Variants in NF1 observed in about 807,000 individuals in gnomAD.
NF1 encodes neurofibromin 1, also known as neurofibromin.
Under a neutral mutation model 325.7 loss-of-function variants are expected in NF1, and 122 were observed. The ratio of observed to expected loss-of-function variants is 0.37; its 90% confidence interval spans 0.32 to 0.44. The LOEUF is 0.44. NF1 is among the 20% of genes least tolerant of loss of function. NF1 has a pLI of 1.00. For missense variants in NF1, 2,140 were observed against 3,415.4 expected (o/e 0.63, Z 9.31); for synonymous variants, 1,091 against 1,186.0 (o/e 0.92, Z 1.65).
rs34107657 is a variant in NF1, at chr17:31,237,656, C to CTTT, written c.3974+1650_3974+1652dup. On this transcript the variant is annotated intron_variant, in intron 29 of 57. Transcript: ENST00000358273. Reference sequence around the variant, plus strand: ...TTTTCTTGACAACTTCTCATGTCTACTTTTTTTTTTTTTTTTTGCAATTTT... The same window carrying CTTT: ...TTTTCTTGACAACTTCTCATGTCTACTTTTTTTTTTTTTTTTTTTTGCAATTTT... Among the ~76,000 whole-genome samples, 1,168 of 126,044 alleles carry CTTT rather than the reference C, an allele frequency of 9.3e-3. 33 individuals are homozygous for CTTT. The highest frequency in any genetic ancestry group is 0.027 in the African/African-American group (902 of 33,226). The allele number at this position is 126,044 out of a possible 152,430, so 82.7% of individuals were successfully genotyped here.
chr17:31,306,419 T>A (rs1006364449), intron 36 of NF1, among the ~76,000 whole-genome samples: 7 of 152,180 alleles, frequency 4.6e-5, no homozygotes, highest in African/African-American at 1.2e-4. Flanking sequence ...GACATAGATA[T>A]AGATATAAAT....
At chr17:31,124,726 A>G (rs1914727168) in intron 1 of NF1, among the ~76,000 whole-genome samples, 1 of 148,714 alleles carries the variant, frequency 6.7e-6, no homozygotes, top group African/African-American at 2.5e-5. Flanking sequence ...TAGCCTCCTG[A>G]GTAGCTGGGA....
chr17:31,283,985 A>T (rs2068175239), intron 36 of NF1, among the ~76,000 whole-genome samples: 3 of 152,242 alleles, frequency 2.0e-5, no homozygotes, highest in Non-Finnish European at 4.4e-5. Flanking sequence ...TTTGCCTTGT[A>T]CAACAAAGAT....
At chr17:31,137,754 A>C (rs1345278462) in intron 1 of NF1, 1 of 151,736 alleles carries the variant, frequency 6.6e-6, no homozygotes, top group East Asian at 1.9e-4. Flanking sequence ...AAATTTTGAG[A>C]CCTTGAATGT....
intron 36 of NF1, among the ~76,000 whole-genome samples, chr17:31,307,025 A>T (rs1047728915): frequency 6.6e-6 from 1 of 151,814 alleles, no homozygotes; most frequent in African/African-American, 2.4e-5. Flanking sequence ...AAATAATTAC[A>T]ATAATTTTTT....
chr17:31,200,802 A>G (rs2066513804), intron 9 of NF1, among the ~76,000 whole-genome samples: 1 of 152,212 alleles, frequency 6.6e-6, no homozygotes, highest in African/African-American at 2.4e-5. Flanking sequence ...AATAAGCATA[A>G]ATATACAGAC....
intron 56 of NF1, 81 bp downstream of exon 56, chr17:31,359,096 A>G (rs2070343279): frequency 8.9e-7 from 1 of 1,118,552 alleles, no homozygotes; most frequent in Non-Finnish European, 1.3e-6. Context: ...AAGAACACAC[A>G]ATGTGCTGAA....
chr17:31,175,687 C>A (rs1294116873), intron 5 of NF1, among the ~76,000 whole-genome samples: 4 of 152,046 alleles, frequency 2.6e-5, no homozygotes, highest in African/African-American at 9.7e-5. Flanking sequence ...AGCCCCCACC[C>A]CCCGACAGGC....
chr17:31,120,184 A>G (rs1914310285), intron 1 of NF1, among the ~76,000 whole-genome samples: 1 of 152,170 alleles, frequency 6.6e-6, no homozygotes, highest in African/African-American at 2.4e-5. Flanking sequence ...TATTGAATCT[A>G]TAAATTACTT....
intron 12 of NF1, among the ~76,000 whole-genome samples, chr17:31,207,887 C>A (rs2066651808): frequency 6.6e-6 from 1 of 152,094 alleles, no homozygotes; most frequent in South Asian, 2.1e-4. Context: ...AAGTTAATGA[C>A]CTCCAATAAT....
chr17:31,097,459 CAAAAAAAAAA>C (rs71142015), intron 1 of NF1, among the ~76,000 whole-genome samples: 1 of 78,336 alleles, frequency 1.3e-5, no homozygotes, highest in Non-Finnish European at 2.4e-5. Context: ...CTCTTGTCTC[CAAAAAAAAAA>C]AAAAAAAAAA....
chr17:31,134,143 G>A (rs1349148031), intron 1 of NF1, among the ~76,000 whole-genome samples: 1 of 152,110 alleles, frequency 6.6e-6, no homozygotes, highest in African/African-American at 2.4e-5. Context: ...CCTCCCCAAA[G>A]TGCTGGGATT....
rs1324833228 is a variant in NF1 at position 31,206,335 on chromosome 17, A to G, written c.1356A>G (p.Gln452=). The stretch of plus-strand genomic sequence containing the variant: ...GTGAAACACTTCATAAAGCAGTGCA[A>G]GGTTGTGGAGCACACCCAGCAATAC... ...MFGETLHKAV[Q]GCGAHPAIRM... The change falls in exon 12 of 58, where the codon CAA becomes CAG. Residue 452 remains glutamine, a synonymous_variant. Coordinates refer to ENST00000358273, the MANE Select transcript of NF1 (RefSeq NM_001042492.3). 2.5e-6 allele frequency: 4 copies of G among 1,613,744 alleles called. No individual in the cohort carries two copies. The highest frequency in any genetic ancestry group is 3.4e-6 in the Non-Finnish European group (4 of 1,179,794).
In NF1 at chr17:31,376,100, A is replaced by C. The variant is rs904952099; in HGVS notation, c.*1945A>C. 4.3e-6 allele frequency: 1 copy of C among 232,914 alleles called. No homozygotes were observed. The highest frequency in any genetic ancestry group is 5.6e-5 in the Admixed American group (1 of 17,776). 14.4% of individuals were successfully genotyped at this position (232,914 alleles called of 1,614,324 possible). A position where few individuals can be genotyped will look rare whatever the true frequency, so the allele number is the denominator to read the frequency against. On this transcript the variant is annotated 3_prime_UTR_variant, in exon 58 of 58. Coordinates refer to ENST00000358273, the MANE Select transcript of NF1 (RefSeq NM_001042492.3). Reference sequence around the variant, plus strand: ...GTGTTTAGAAATAGATCAGTAACCCAGTGCCAAGGATGCCAAGCTGCCACC... The same window carrying C: ...GTGTTTAGAAATAGATCAGTAACCCCGTGCCAAGGATGCCAAGCTGCCACC...
intron 36 of NF1, among the ~76,000 whole-genome samples, chr17:31,302,873 A>G (rs1319979746): frequency 1.3e-5 from 2 of 152,286 alleles, no homozygotes; most frequent in South Asian, 2.1e-4. Flanking sequence ...TGAAGAATAC[A>G]TGAAAGAAAA....
chr17:31,129,423 C>T (rs911674739), intron 1 of NF1, among the ~76,000 whole-genome samples: 8 of 147,060 alleles, frequency 5.4e-5, no homozygotes, highest in Non-Finnish European at 9.0e-5. Flanking sequence ...TTGGTCTGTT[C>T]TACTGTTAAT....
At position 31,149,295 on chromosome 17, in the gene NF1, C is replaced by A. The variant is rs1597617969; in HGVS notation, c.61-6688C>A. The stretch of plus-strand genomic sequence containing the variant: ...ATACATGTACACACACACACATACA[C>A]ACACACACACACACACACATTTTTT... On this transcript the variant is annotated intron_variant, in intron 1 of 57. Coordinates refer to ENST00000358273, the MANE Select transcript of NF1 (RefSeq NM_001042492.3). 2.0e-5 allele frequency among the ~76,000 whole-genome samples: 3 copies of A among 147,628 alleles called. No homozygotes were observed. In the South Asian group the frequency reaches 6.3e-4, roughly 31 times the overall value.
rs864622202 is a variant in NF1, at chr17:31,249,021, A to C, written c.4012A>C (p.Asn1338His). The C allele has an allele frequency of 6.2e-7, 1 of 1,614,132 alleles. No individual in the cohort carries two copies. The highest frequency in any genetic ancestry group is 1.1e-5 in the South Asian group (1 of 91,086). The change falls in exon 30 of 58, where the codon AAC (asparagine) becomes CAC (histidine). Residue 1338 changes from asparagine (N) to histidine (H), a missense_variant. Around this residue, in one of 10 missense-constraint regions of NF1, gnomAD observed 336 missense variants for 399.0 expected, o/e 0.84. Transcript: ENST00000358273. ...AGAGAGCCTTGAGGAAAACCAGCGG[A>C]ACCTCCTTCAGATGACTGAAAAGTT... ...PSESLEENQR[N>H]LLQMTEKFFH...
At chr17:31,176,293 A>G (rs976127329) in intron 5 of NF1, among the ~76,000 whole-genome samples, 23 of 151,628 alleles carry the variant, frequency 1.5e-4, no homozygotes, top group South Asian at 2.1e-4. Flanking sequence ...GCTTTTCTTT[A>G]TATGTTTGTT....
Sources: allele counts gnomAD v4.1 joint callset (sites outside exome capture counted in the v4.1 genomes callset), GRCh38; gene constraint gnomAD v4.1.1; regional missense constraint gnomAD v4.1.1; transcripts MANE v1.5; gene names NCBI Gene and HGNC (gene_info 2026-07-23, HGNC 2026-07-21).